CTDSPL: variants seen among roughly 807,000 people sequenced by gnomAD.
CTDSPL encodes the protein CTD small phosphatase like, also known as CTD small phosphatase-like protein.
A neutral mutation model predicts 30.5 loss-of-function variants in CTDSPL; 8 were observed. The observed-to-expected ratio is 0.26, with a 90% CI of 0.15 to 0.47. The LOEUF (loss-of-function observed/expected upper bound fraction) is 0.47, where lower values mean the gene tolerates loss of function less well. Ranked by LOEUF, CTDSPL falls within the 20% of genes least tolerant of loss-of-function variation. The pLI, the probability that CTDSPL is intolerant of heterozygous loss-of-function variation, is 0.99. For missense variants in CTDSPL, 248 were observed against 366.1 expected (o/e 0.68, Z 2.63); for synonymous variants, 110 against 137.9 (o/e 0.80, Z 1.42).
intron 1 of CTDSPL, among the ~76,000 whole-genome samples, chr3:37,872,475 C>G (rs950021458): frequency 7.0e-6 from 1 of 143,824 alleles, no homozygotes; most frequent in Admixed American, 7.0e-5. Context: ...ATGCCCCCAT[C>G]AGGAAAGAAG....
At chr3:37,957,327 T>C (rs1699185746) in intron 3 of CTDSPL, among the ~76,000 whole-genome samples, 184 bp downstream of exon 3, 1 of 152,230 alleles carries the variant, frequency 6.6e-6, no homozygotes, top group Admixed American at 6.5e-5. Flanking sequence ...CAGGAAGTTC[T>C]GTACAGAGAC....
At chr3:37,931,503 G>C (rs1407591038) in intron 1 of CTDSPL, among the ~76,000 whole-genome samples, 5 of 152,052 alleles carry the variant, frequency 3.3e-5, no homozygotes, top group African/African-American at 1.2e-4. Flanking sequence ...TAATCCATTT[G>C]TGCTTAATTA....
At chr3:37,897,844 C>T (rs1206288989) in intron 1 of CTDSPL, among the ~76,000 whole-genome samples, 2 of 152,106 alleles carry the variant, frequency 1.3e-5, no homozygotes, top group Admixed American at 6.5e-5. Flanking sequence ...CAGAGCACTG[C>T]CATTAGTAAG....
chr3:37,938,730 G>A (rs1698943223), intron 1 of CTDSPL, among the ~76,000 whole-genome samples: 1 of 148,560 alleles, frequency 6.7e-6, no homozygotes, highest in Non-Finnish European at 1.5e-5. Flanking sequence ...GCCCAGGCTG[G>A]AGTGCAGTGG....
chr3:37,917,606 T>G (rs964370518), intron 1 of CTDSPL, among the ~76,000 whole-genome samples: 1 of 152,228 alleles, frequency 6.6e-6, no homozygotes, highest in Non-Finnish European at 1.5e-5. Context: ...GATATAGTTT[T>G]ACTATTAAAC....
At chr3:37,943,030 C>T (rs950514187) in intron 1 of CTDSPL, among the ~76,000 whole-genome samples, 1 of 150,198 alleles carries the variant, frequency 6.7e-6, no homozygotes, top group Non-Finnish European at 1.5e-5. Flanking sequence ...ATTTAAGAAT[C>T]GATTAGGATG....
chr3:37,969,758 G>T (rs552372244), intron 5 of CTDSPL, among the ~76,000 whole-genome samples: 1 of 152,152 alleles, frequency 6.6e-6, no homozygotes, highest in Non-Finnish European at 1.5e-5. Flanking sequence ...CCCGTGCTAC[G>T]ACATCCTGTT....
intron 2 of CTDSPL, among the ~76,000 whole-genome samples, chr3:37,955,374 C>T (rs941037687): frequency 6.6e-6 from 1 of 152,132 alleles, no homozygotes; most frequent in Non-Finnish European, 1.5e-5. Context: ...CCGCAGTGAG[C>T]CGTGATCACA....
chr3:37,951,164 G>A (rs888009954), intron 2 of CTDSPL, among the ~76,000 whole-genome samples: 11 of 150,272 alleles, frequency 7.3e-5, no homozygotes, highest in Non-Finnish European at 1.3e-4. Flanking sequence ...TCAGGAGATC[G>A]AGACCATCCT....
intron 1 of CTDSPL, among the ~76,000 whole-genome samples, chr3:37,867,507 C>T (rs1474874055): frequency 1.3e-5 from 2 of 152,146 alleles, no homozygotes; most frequent in East Asian, 3.8e-4. Context: ...ATGGTAGTTG[C>T]ATGTTTACTT....
At position 37,911,870 on chromosome 3, in the gene CTDSPL, G is replaced by A. The variant is rs1214154374; in HGVS notation, c.80-35187G>A. ...GTTCGGGGGTTTGAGACCAACCTGG[G>A]CAACATGGTGAAAGCTCGTCTCTAC... On this transcript the variant is annotated intron_variant, in intron 1 of 7. Coordinates refer to ENST00000273179, the MANE Select transcript of CTDSPL (RefSeq NM_001008392.2). 4 of 339,312 alleles carry A rather than the reference G, an allele frequency of 1.2e-5. No homozygotes were observed. The Admixed American group carries it at 1.5e-4, about 13-fold the overall frequency. The allele number at this position is 339,312 out of a possible 1,614,324, so 21.0% of individuals were successfully genotyped here.
intron 1 of CTDSPL, among the ~76,000 whole-genome samples, chr3:37,889,647 T>C (rs1248737534): frequency 1.3e-5 from 2 of 152,168 alleles, no homozygotes; most frequent in African/African-American, 4.8e-5. Context: ...TTTTGAAAGA[T>C]GTTTTCAATC....
At chr3:37,937,347 T>C (rs1334379492) in intron 1 of CTDSPL, among the ~76,000 whole-genome samples, 1 of 150,268 alleles carries the variant, frequency 6.7e-6, no homozygotes, top group Non-Finnish European at 1.5e-5. Flanking sequence ...AGATCCCTCA[T>C]GAGTAAGTAA....
chr3:37,951,250 C>A (rs1699104266), intron 2 of CTDSPL, among the ~76,000 whole-genome samples: 1 of 152,094 alleles, frequency 6.6e-6, no homozygotes, highest in South Asian at 2.1e-4. Flanking sequence ...CACCTGTAGT[C>A]CCAGCTACTT....
rs1488044691 is a variant in CTDSPL, at chr3:37,960,506, ATATATAT to A, written c.267+3364_267+3370del. On this transcript the variant is annotated intron_variant, in intron 3 of 7. Transcript: ENST00000273179. ...AAAAAAAAAAAAAAAAAAAAAAAAAATATATATATATATATATATATATATATATACA... is the reference window on the plus strand; with the variant it reads ...AAAAAAAAAAAAAAAAAAAAAAAAAAATATATATATATATATATATATACA... Among the ~76,000 whole-genome samples the A allele has an allele frequency of 7.5e-5, 2 of 26,544 alleles. 1 individual carries two copies. The highest frequency in any genetic ancestry group is 3.4e-4 in the African/African-American group (2 of 5,812). The allele number at this position is 26,544 out of a possible 152,430, so 17.4% of individuals were successfully genotyped here.
chr3:37,914,143 GTCTTGTTACATA>G (rs1698615696), intron 1 of CTDSPL, among the ~76,000 whole-genome samples: 1 of 151,974 alleles, frequency 6.6e-6, no homozygotes, highest in African/African-American at 2.4e-5. Context: ...CTGTGTAGAG[GTCTTGTTACATA>G]TTTTTATTTA....
At position 37,975,926 on chromosome 3, in the gene CTDSPL, C is replaced by T. The variant is rs761492599; in HGVS notation, c.705+32C>T. 2.1e-5 allele frequency: 34 copies of T among 1,603,620 alleles called. No homozygotes were observed. In the Admixed American group the frequency reaches 2.7e-4, roughly 13 times the overall value. On this transcript the variant is annotated intron_variant, in intron 7 of 7. Transcript: ENST00000273179. This position sits in a 1 kb window ranked among gnomAD's most constrained non-coding sequence, Gnocchi z 4.9. ...GGCCCCAAAGAAAGAAAATGTCGTGCTCCATCTGAGCCCTCTGTCTTGCCA... is the reference window on the plus strand; with the variant it reads ...GGCCCCAAAGAAAGAAAATGTCGTGTTCCATCTGAGCCCTCTGTCTTGCCA...
At chr3:37,979,300 T>TAAAA (rs781634182) in intron 7 of CTDSPL, among the ~76,000 whole-genome samples, 1 of 138,866 alleles carries the variant, frequency 7.2e-6, no homozygotes, top group African/African-American at 2.7e-5. Context: ...CTGTCGCTAC[T>TAAAA]AAAAAAAAAA....
At chr3:37,912,633 C>T (rs1252194620) in intron 1 of CTDSPL, among the ~76,000 whole-genome samples, 1 of 152,180 alleles carries the variant, frequency 6.6e-6, no homozygotes, top group Non-Finnish European at 1.5e-5. Flanking sequence ...CACTGGAATC[C>T]AGTTATTTTG....
Sources: allele counts gnomAD v4.1 joint callset (sites outside exome capture counted in the v4.1 genomes callset), GRCh38; gene constraint gnomAD v4.1.1; non-coding constraint Gnocchi (gnomAD v3.1); transcripts MANE v1.5; gene names NCBI Gene and HGNC (gene_info 2026-07-23, HGNC 2026-07-21).